THEMIS: variants seen among roughly 807,000 people sequenced by gnomAD.
The protein encoded by THEMIS is thymocyte selection associated, also known as protein THEMIS.
A neutral mutation model predicts 52.6 loss-of-function variants in THEMIS; 37 were observed. The ratio of observed to expected loss-of-function variants is 0.70; its 90% CI spans 0.54 to 0.93. THEMIS has a LOEUF of 0.93. THEMIS is among the 40% of genes least tolerant of loss of function. The probability of loss-of-function intolerance (pLI) is 0.00; values close to 1 mark genes in which losing one functional copy is unlikely to be tolerated. For missense variants in THEMIS, 808 were observed against 763.1 expected (o/e 1.06, Z -0.69); for synonymous variants, 292 against 272.7 (o/e 1.07, Z -0.70).
upstream of THEMIS, among the ~76,000 whole-genome samples, chr6:127,901,275 C>T (rs1411313642): frequency 6.6e-6 from 1 of 151,882 alleles, no homozygotes; most frequent in Admixed American, 6.6e-5. Flanking sequence ...TCCAGGTGTG[C>T]ATCTACTATG....
intron 2 of THEMIS, among the ~76,000 whole-genome samples, chr6:127,845,760 G>A (rs1779191443): frequency 6.6e-6 from 1 of 151,680 alleles, no homozygotes; most frequent in South Asian, 2.1e-4. Flanking sequence ...TACCTGCAGT[G>A]ATGGGAAAAA....
Position 127,709,957 on chromosome 6 carries a change from C to T in THEMIS, c.*28G>A, listed in dbSNP as rs768944506. On this transcript the variant is annotated 3_prime_UTR_variant, in exon 6 of 6. Coordinates refer to ENST00000368248, the MANE Select transcript of THEMIS (RefSeq NM_001010923.3). Reference sequence around the variant, plus strand: ...TTTTTCACTGCAACATTTATGTTTGCTGCCTAAGTGGCTTCTGTCACATCT... The same window carrying T: ...TTTTTCACTGCAACATTTATGTTTGTTGCCTAAGTGGCTTCTGTCACATCT... The T allele has an allele frequency of 2.3e-5, 37 of 1,578,202 alleles. No individual in the cohort carries two copies. The East Asian group carries it at 5.7e-4, about 24-fold the overall frequency.
chr6:127,800,188 T>C (rs984988877), intron 4 of THEMIS, among the ~76,000 whole-genome samples: 9 of 152,208 alleles, frequency 5.9e-5, no homozygotes. Context: ...AGTTGATGCA[T>C]GTAGAAAACA....
chr6:127,736,340 C>CAT (rs891143013), intron 4 of THEMIS, among the ~76,000 whole-genome samples: 6 of 151,998 alleles, frequency 3.9e-5, no homozygotes, highest in Non-Finnish European at 7.4e-5. Context: ...CAAACACAAA[C>CAT]ATATATATAG....
At chr6:127,743,908 C>T (rs1775293053) in intron 4 of THEMIS, among the ~76,000 whole-genome samples, 1 of 151,800 alleles carries the variant, frequency 6.6e-6, no homozygotes, top group Non-Finnish European at 1.5e-5. Context: ...TTACTTTGAA[C>T]AATAAAATAT....
chr6:127,872,230 T>G (rs1008761113), intron 1 of THEMIS, among the ~76,000 whole-genome samples: 1 of 152,154 alleles, frequency 6.6e-6, no homozygotes, highest in African/African-American at 2.4e-5. Flanking sequence ...TCATTTCAGT[T>G]GATGCAGAAA....
In THEMIS at chr6:127,829,503, C is replaced by G; in HGVS notation, c.682G>C (p.Val228Leu). ...TTCATCACACCTTGAATTTCATAAACAGGCTTGAGAATCAGGGTACCATAA... is the reference window on the plus strand; with the variant it reads ...TTCATCACACCTTGAATTTCATAAAGAGGCTTGAGAATCAGGGTACCATAA... ...DFYGTLILKP[V>L]YEIQGVMKFR... The change falls in exon 3 of 6, where the codon GTT becomes CTT. Residue 228 changes from valine to leucine, a missense_variant. Physicochemically the swap from Val to Leu is conservative, Grantham distance 32 (BLOSUM62 1). Coordinates refer to ENST00000368248, the MANE Select transcript of THEMIS (RefSeq NM_001010923.3). 1.2e-6 allele frequency: 2 copies of G among 1,607,486 alleles called. No homozygotes were observed. The highest frequency in any genetic ancestry group is 1.7e-6 in the Non-Finnish European group (2 of 1,177,450).
chr6:127,719,579 C>T lies in THEMIS; in HGVS notation c.1894+109G>A, dbSNP rs1336093738. 14 of 1,024,574 alleles carry T rather than the reference C, an allele frequency of 1.4e-5. No individual in the cohort carries two copies. The East Asian group carries it at 2.1e-4, about 15-fold the overall frequency. 63.5% of individuals were successfully genotyped at this position (1,024,574 alleles called of 1,614,324 possible). A position where few individuals can be genotyped will look rare whatever the true frequency, so the allele number is the denominator to read the frequency against. On this transcript the variant is annotated intron_variant, in intron 5 of 5. Transcript: ENST00000368248. ...TGGCAGAGCAGGGTGATCACTTGGG[C>T]TGAGTCATATATTCCAAATAAAATA...
intron 4 of THEMIS, among the ~76,000 whole-genome samples, chr6:127,724,968 G>A (rs1475000544): frequency 6.6e-6 from 1 of 151,690 alleles, no homozygotes; most frequent in Non-Finnish European, 1.5e-5. Context: ...ATTTATTTGT[G>A]CCCCTTCTCC....
intron 2 of THEMIS, among the ~76,000 whole-genome samples, chr6:127,851,718 A>AT (rs1779431723): frequency 6.6e-6 from 1 of 151,756 alleles, no homozygotes; most frequent in African/African-American, 2.4e-5. Flanking sequence ...GTGGAACAAA[A>AT]GAAACTCTCA....
chr6:127,842,918 C>T (rs151305666), intron 2 of THEMIS, among the ~76,000 whole-genome samples: 1 of 152,044 alleles, frequency 6.6e-6, no homozygotes, highest in East Asian at 1.9e-4. Context: ...CTCGGGCTCA[C>T]TGTCTCCTTA....
At chr6:127,912,522 C>T (rs1781435272) in intron 1 of THEMIS, among the ~76,000 whole-genome samples, 1 of 152,170 alleles carries the variant, frequency 6.6e-6, no homozygotes, top group Non-Finnish European at 1.5e-5. Flanking sequence ...AGTTCTGAGT[C>T]ACATATGTAG....
intron 4 of THEMIS, among the ~76,000 whole-genome samples, chr6:127,796,824 C>G (rs1397850217): frequency 6.6e-6 from 1 of 152,126 alleles, no homozygotes; most frequent in Non-Finnish European, 1.5e-5. Flanking sequence ...GTAAGCTGAA[C>G]TTTATAGTGT....
At position 127,809,879 on chromosome 6, in the gene THEMIS, A is replaced by C. The variant is rs186974324; in HGVS notation, c.1758+3004T>G. On this transcript the variant is annotated intron_variant, in intron 4 of 5. Transcript: ENST00000368248. ...TCTTCCAATTTTAGATTATCACTCA[A>C]TGTCTTCAACTATTCCTCAAATGAA... Among the ~76,000 whole-genome samples the C allele has an allele frequency of 1.0e-4, 15 of 150,426 alleles. No individual in the cohort carries two copies. In the East Asian group the frequency reaches 1.6e-3, roughly 16 times the overall value.
chr6:127,838,008 G>A (rs1393328732), intron 2 of THEMIS, among the ~76,000 whole-genome samples: 4 of 152,008 alleles, frequency 2.6e-5, no homozygotes, highest in African/African-American at 9.7e-5. Flanking sequence ...TTTCTTTGGA[G>A]TTGATTCGAC....
intron 1 of THEMIS, among the ~76,000 whole-genome samples, chr6:127,911,082 A>T (rs1781400849): frequency 6.7e-6 from 1 of 149,036 alleles, no homozygotes; most frequent in Non-Finnish European, 1.5e-5. Context: ...GAGGTAAATT[A>T]GTTCTCATTC....
At chr6:127,855,772 G>A (rs1286670642) in intron 1 of THEMIS, among the ~76,000 whole-genome samples, 1 of 151,932 alleles carries the variant, frequency 6.6e-6, no homozygotes, top group Non-Finnish European at 1.5e-5. Context: ...GACCAACCCA[G>A]ATAAACTGAA....
At chr6:127,754,452 A>G (rs1775752161) in intron 4 of THEMIS, among the ~76,000 whole-genome samples, 1 of 152,232 alleles carries the variant, frequency 6.6e-6, no homozygotes, top group African/African-American at 2.4e-5. Flanking sequence ...CCACTCTGCC[A>G]TTCTTGGCAT....
At chr6:127,759,278 ATAGG>A (rs751618255) in intron 4 of THEMIS, among the ~76,000 whole-genome samples, 63 of 152,198 alleles carry the variant, frequency 4.1e-4, no homozygotes, top group Non-Finnish European at 7.4e-4. Context: ...AATAACACTT[ATAGG>A]TAAATTTTGA....
Sources: allele counts gnomAD v4.1 joint callset (sites outside exome capture counted in the v4.1 genomes callset), GRCh38; gene constraint gnomAD v4.1.1; transcripts MANE v1.5; gene names NCBI Gene and HGNC (gene_info 2026-07-23, HGNC 2026-07-21).